PRELID2: variants seen among roughly 807,000 people sequenced by gnomAD.
PRELID2 encodes PRELI domain containing 2, also known as PRELI domain-containing protein 2.
PRELID2 carries 25 observed loss-of-function variants against 28.4 expected under a neutral mutation model. The ratio of observed to expected loss-of-function variants is 0.88; its 90% CI spans 0.64 to 1.23. The LOEUF is 1.23. Among genes scored for constraint, PRELID2 ranks in the 50% most tolerant of loss-of-function variants. The pLI is 0.00. For missense variants in PRELID2, 201 were observed against 214.4 expected, an observed-to-expected ratio of 0.94 and a Z score of 0.39; for synonymous variants, 76 against 71.6, an observed-to-expected ratio of 1.06 and a Z score of -0.31.
At chr5:145,542,838 C>G (rs139911851) in intron 1 of PRELID2, among the ~76,000 whole-genome samples, 1 of 149,960 alleles carries the variant, frequency 6.7e-6, no homozygotes, top group Admixed American at 6.7e-5. Context: ...TTCTATTATA[C>G]ATGGTACGCT....
At chr5:145,704,220 CA>C (rs1755482360) in intron 1 of PRELID2, 1 of 152,158 alleles carries the variant, frequency 6.6e-6, no homozygotes, top group Admixed American at 6.5e-5. Flanking sequence ...ACTGATGGAT[CA>C]AAACTCTAAG....
In PRELID2 at chr5:145,742,018, GTAAA is replaced by G. The variant is rs1330532421; in HGVS notation, n.70+22909_70+22912del. On this transcript the variant is annotated intron_variant and non_coding_transcript_variant, in intron 1 of 2. Coordinates refer to the PRELID2 transcript ENST00000510259. Reference sequence around the variant, plus strand: ...ATTATAAATAATAAATTTATTATAAGTAAATAAATTTATTCATTAATAATAAATA... The same window carrying G: ...ATTATAAATAATAAATTTATTATAAGTAAATTTATTCATTAATAATAAATA... 6.3e-3 allele frequency among the ~76,000 whole-genome samples: 753 copies of G among 120,084 alleles called. 6 individuals carry two copies. The highest frequency in any genetic ancestry group is 0.023 in the African/African-American group (702 of 29,924). The allele number at this position is 120,084 out of a possible 152,430, so 78.8% of individuals were successfully genotyped here.
At chr5:145,568,666 AC>A (rs1752989651) in intron 1 of PRELID2, among the ~76,000 whole-genome samples, 1 of 152,224 alleles carries the variant, frequency 6.6e-6, no homozygotes, top group African/African-American at 2.4e-5. Context: ...TTGCTATTGC[AC>A]TTTTAGGTCT....
chr5:145,748,141 T>A (rs1002746286), intron 1 of PRELID2, among the ~76,000 whole-genome samples: 5 of 152,174 alleles, frequency 3.3e-5, no homozygotes, highest in African/African-American at 1.2e-4. Context: ...CAACATAGTA[T>A]TGGAAGTTCT....
chr5:145,506,657 G>A (rs766766416), intron 1 of PRELID2, among the ~76,000 whole-genome samples: 11 of 152,144 alleles, frequency 7.2e-5, no homozygotes, highest in Non-Finnish European at 1.3e-4. Flanking sequence ...AATGGGGCAG[G>A]AAATGACACT....
chr5:145,502,798 T>C lies in PRELID2; in HGVS notation n.71-29483A>G, dbSNP rs145641197. Among the ~76,000 whole-genome samples the C allele has an allele frequency of 2.4e-3, 359 of 151,942 alleles. 1 individual carries two copies. The highest frequency in any genetic ancestry group is 8.2e-3 in the African/African-American group (338 of 41,450). The stretch of plus-strand genomic sequence containing the variant: ...CCATGGCTATGCTGCCCAATAGTTA[T>C]GCAAGAAAGCAAATTAATGATTTCC... On this transcript the variant is annotated intron_variant and non_coding_transcript_variant, in intron 1 of 2. Coordinates refer to the PRELID2 transcript ENST00000510259.
intron 1 of PRELID2, among the ~76,000 whole-genome samples, chr5:145,612,509 A>G (rs1472494260): frequency 6.6e-6 from 1 of 152,200 alleles, no homozygotes; most frequent in Non-Finnish European, 1.5e-5. Context: ...GTGTTTGGTT[A>G]CATGAGCAAG....
At chr5:145,744,308 G>A (rs1022204672) in intron 1 of PRELID2, among the ~76,000 whole-genome samples, 8 of 152,302 alleles carry the variant, frequency 5.3e-5, no homozygotes, top group Admixed American at 6.5e-5. Flanking sequence ...CAGACCAGAC[G>A]AGGGGTTTCC....
chr5:145,519,221 A>G, intron 1 of PRELID2, among the ~76,000 whole-genome samples: 1 of 152,344 alleles, frequency 6.6e-6, no homozygotes, highest in East Asian at 1.9e-4. Context: ...CGAGTTAAAG[A>G]AAAACTTGTC....
the PRELID2 span, among the ~76,000 whole-genome samples, chr5:145,321,114 C>T: frequency 0.019 from 2,892 of 152,274 alleles, 46 homozygotes; most frequent in Middle Eastern, 0.031. Context: ...CCCCAGGTTC[C>T]ATACCATTAT....
intron 1 of PRELID2, among the ~76,000 whole-genome samples, chr5:145,738,271 A>G (rs2149733404): frequency 6.6e-6 from 1 of 152,290 alleles, no homozygotes; most frequent in East Asian, 1.9e-4. Flanking sequence ...TAATACCCAA[A>G]ATATCCAAGT....
chr5:145,613,042 A>C (rs574873904), intron 1 of PRELID2, among the ~76,000 whole-genome samples: 8 of 152,290 alleles, frequency 5.3e-5, no homozygotes, highest in African/African-American at 1.9e-4. Flanking sequence ...AGTTCTTTTA[A>C]GGAATCTCCA....
At chr5:145,687,402 G>T (rs950778589) in intron 1 of PRELID2, among the ~76,000 whole-genome samples, 1 of 152,112 alleles carries the variant, frequency 6.6e-6, no homozygotes, top group African/African-American at 2.4e-5. Flanking sequence ...AACTGGCCTG[G>T]ACTCTTCAAA....
chr5:145,699,045 C>T (rs902255779), intron 1 of PRELID2, among the ~76,000 whole-genome samples: 3 of 152,100 alleles, frequency 2.0e-5, no homozygotes, highest in African/African-American at 4.8e-5. Context: ...CTCTTTATAC[C>T]GTCATCACCT....
intron 5 of PRELID2, among the ~76,000 whole-genome samples, chr5:145,774,732 G>T (rs1758311009): frequency 6.6e-6 from 1 of 152,122 alleles, no homozygotes; most frequent in African/African-American, 2.4e-5. Flanking sequence ...GGTAAACCAG[G>T]TTTCCTCAGG....
At chr5:145,693,078 T>G (rs529868131) in intron 1 of PRELID2, among the ~76,000 whole-genome samples, 1 of 152,312 alleles carries the variant, frequency 6.6e-6, no homozygotes, top group South Asian at 2.1e-4. Flanking sequence ...TTTTAAAAAT[T>G]GTTCCTCATA....
chr5:145,716,499 T>C (rs183368603), intron 1 of PRELID2, among the ~76,000 whole-genome samples: 1 of 152,260 alleles, frequency 6.6e-6, no homozygotes, highest in East Asian at 1.9e-4. Flanking sequence ...TCTATCTATA[T>C]ATTTCTTTTT....
At chr5:145,457,528 G>A in the PRELID2 span, among the ~76,000 whole-genome samples, 4 of 152,096 alleles carry the variant, frequency 2.6e-5, no homozygotes, top group African/African-American at 4.8e-5. Flanking sequence ...TCAGCCTCGC[G>A]GTGAGGACAG....
chr5:145,729,149 G>A, intron 1 of PRELID2: 1 of 613,630 alleles, frequency 1.6e-6, no homozygotes, highest in South Asian at 2.0e-5. Flanking sequence ...GAGCTTCTTT[G>A]ACTTTTGTCA....
Sources: gnomAD v4.1 joint callset for allele counts (sites outside exome capture counted in the v4.1 genomes callset) on GRCh38, gnomAD v4.1.1 for gene constraint, MANE v1.5 for transcripts, NCBI Gene and HGNC (gene_info 2026-07-23, HGNC 2026-07-21) for gene names.